CARMIL1: variants seen among roughly 807,000 people sequenced by gnomAD.
CARMIL1 encodes F-actin-uncapping protein LRRC16A.
A neutral mutation model predicts 177.1 loss-of-function variants in CARMIL1; 90 were observed. The observed-to-expected ratio is 0.51, with a 90% CI of 0.43 to 0.61. CARMIL1 has a LOEUF of 0.61. CARMIL1 is among the 20% of genes least tolerant of loss of function. The pLI is 0.00. For synonymous variants in CARMIL1, 577 were observed against 606.2 expected (o/e 0.95, Z 0.71); for missense variants, 1,380 against 1,667.0 (o/e 0.83, Z 3.00).
chr6:25,442,355 T>G (rs1277394992), intron 5 of CARMIL1, among the ~76,000 whole-genome samples: 2 of 151,708 alleles, frequency 1.3e-5, no homozygotes, highest in Non-Finnish European at 2.9e-5. Flanking sequence ...GCTGCCTGCA[T>G]GTGAGAGACA....
At chr6:25,471,312 C>T in intron 10 of CARMIL1, 55 bp downstream of exon 10, 3 of 1,259,946 alleles carry the variant, frequency 2.4e-6, no homozygotes, top group South Asian at 2.7e-5. Flanking sequence ...GTGCCATTTG[C>T]TCTTCTAATT....
chr6:25,465,543 A>C, intron 8 of CARMIL1: 1 of 204,092 alleles, frequency 4.9e-6, no homozygotes, highest in Non-Finnish European at 9.9e-6. Flanking sequence ...GATTTTATGA[A>C]GGAGAGATCT....
chr6:25,612,867 G>T (rs1816612241), intron 36 of CARMIL1: 1 of 985,240 alleles, frequency 1.0e-6, no homozygotes, highest in Non-Finnish European at 1.2e-6. Context: ...TTGGGCACAG[G>T]AAGTCACAGC....
At chr6:25,301,813 T>C (rs1264770208) in intron 2 of CARMIL1, among the ~76,000 whole-genome samples, 3 of 152,244 alleles carry the variant, frequency 2.0e-5, no homozygotes, top group African/African-American at 7.2e-5. Context: ...AGCTTGTTGA[T>C]GGGTTGACTT....
intron 12 of CARMIL1, among the ~76,000 whole-genome samples, chr6:25,482,654 T>C (rs1326900481): frequency 6.6e-6 from 1 of 152,206 alleles, no homozygotes; most frequent in Non-Finnish European, 1.5e-5. Flanking sequence ...AAGATGCACC[T>C]GGTTGTGTTT....
chr6:25,363,281 C>A (rs931530023), intron 2 of CARMIL1, among the ~76,000 whole-genome samples: 10 of 152,088 alleles, frequency 6.6e-5, no homozygotes, highest in African/African-American at 2.2e-4. Context: ...ATGGTATATG[C>A]AGCATTTCCC....
chr6:25,592,714 C>A (rs1161583253), intron 31 of CARMIL1, among the ~76,000 whole-genome samples: 1 of 152,168 alleles, frequency 6.6e-6, no homozygotes, highest in East Asian at 1.9e-4. Context: ...TCCATACAGA[C>A]ATAAGCCATG....
At chr6:25,531,896 G>A (rs1430391346) in intron 24 of CARMIL1, among the ~76,000 whole-genome samples, 2 of 150,306 alleles carry the variant, frequency 1.3e-5, no homozygotes, top group African/African-American at 4.9e-5. Flanking sequence ...TCAGCTTCCC[G>A]AGTAGCTGGA....
chr6:25,380,152 A>G (rs1216466479), intron 2 of CARMIL1, among the ~76,000 whole-genome samples: 1 of 152,206 alleles, frequency 6.6e-6, no homozygotes, highest in African/African-American at 2.4e-5. Context: ...TATGGACCAA[A>G]AGTGAATAGC....
At chr6:25,436,444 G>A (rs1421700861) in intron 5 of CARMIL1, among the ~76,000 whole-genome samples, 2 of 152,244 alleles carry the variant, frequency 1.3e-5, no homozygotes, top group Non-Finnish European at 2.9e-5. Flanking sequence ...CTTGCGTGGT[G>A]GAGGTGGGAG....
intron 5 of CARMIL1, among the ~76,000 whole-genome samples, chr6:25,449,455 C>T (rs555503315): frequency 1.3e-5 from 2 of 152,102 alleles, no homozygotes; most frequent in African/African-American, 2.4e-5. Context: ...GAAGAGGTAG[C>T]AAAAGGAACA....
At chr6:25,602,157 A>G (rs1815475266) in intron 33 of CARMIL1, among the ~76,000 whole-genome samples, 1 of 152,184 alleles carries the variant, frequency 6.6e-6, no homozygotes, top group South Asian at 2.1e-4. Flanking sequence ...CAACATCAAC[A>G]TTATTTAGCA....
chr6:25,420,573 T>C (rs527871329), intron 3 of CARMIL1, among the ~76,000 whole-genome samples: 64 of 149,086 alleles, frequency 4.3e-4, no homozygotes, highest in Non-Finnish European at 6.9e-4. Flanking sequence ...TGATCCGAAG[T>C]ACTGGCAGAT....
At chr6:25,441,391 A>ATGTG (rs1797781342) in intron 5 of CARMIL1, among the ~76,000 whole-genome samples, 1 of 113,874 alleles carries the variant, frequency 8.8e-6, no homozygotes, top group Admixed American at 8.7e-5. Context: ...GTGTGTGTGT[A>ATGTG]TGTATATGTA....
At chr6:25,327,272 G>A (rs531993892) in intron 2 of CARMIL1, among the ~76,000 whole-genome samples, 2 of 152,238 alleles carry the variant, frequency 1.3e-5, no homozygotes, top group Admixed American at 6.5e-5. Flanking sequence ...CAGAAAGAAC[G>A]GCCAGGGAGA....
intron 2 of CARMIL1, among the ~76,000 whole-genome samples, chr6:25,317,640 C>T (rs1784382248): frequency 6.8e-6 from 1 of 146,466 alleles, no homozygotes; most frequent in Admixed American, 6.9e-5. Context: ...CATCACAGCT[C>T]GCTGCAGCCT....
intron 3 of CARMIL1, among the ~76,000 whole-genome samples, chr6:25,424,233 T>C (rs1270223295): frequency 6.6e-6 from 1 of 152,200 alleles, no homozygotes; most frequent in East Asian, 1.9e-4. Flanking sequence ...CGAATTCTTT[T>C]TCTTCTGCCT....
At chr6:25,413,420 G>A (rs1581855548) in intron 2 of CARMIL1, among the ~76,000 whole-genome samples, 1 of 152,302 alleles carries the variant, frequency 6.6e-6, no homozygotes, top group East Asian at 1.9e-4. Context: ...GTAGGCTTTA[G>A]GCCATGGAGT....
At chr6:25,561,490 T>C (rs1811106884) in intron 29 of CARMIL1, among the ~76,000 whole-genome samples, 1 of 152,228 alleles carries the variant, frequency 6.6e-6, no homozygotes, top group South Asian at 2.1e-4. Context: ...CTTAAAAAGC[T>C]TGAATTATTA....
Sources: allele counts gnomAD v4.1 joint callset (sites outside exome capture counted in the v4.1 genomes callset), GRCh38; gene constraint gnomAD v4.1.1; transcripts MANE v1.5; gene names NCBI Gene and HGNC (gene_info 2026-07-23, HGNC 2026-07-21).